The following PLEKHM3 variants were observed in gnomAD, a reference collection of about 807,000 sequenced individuals.
PLEKHM3 encodes pleckstrin homology domain containing M3.
A neutral mutation model predicts 81.8 loss-of-function variants in PLEKHM3; 45 were observed. The observed-to-expected ratio is 0.55, with a 90% CI of 0.43 to 0.71. The LOEUF is 0.71. PLEKHM3 is among the 30% of genes least tolerant of loss of function. The pLI is 0.00. For missense variants in PLEKHM3, 788 were observed against 924.3 expected (o/e 0.85, Z 1.91); for synonymous variants, 352 against 356.4 (o/e 0.99, Z 0.14).
intron 2 of PLEKHM3, among the ~76,000 whole-genome samples, chr2:207,995,192 C>T (rs6731479): frequency 0.45 from 68,994 of 151,974 alleles, 18,944 homozygotes; most frequent in Non-Finnish European, 0.6. Context: ...AAACTGTGAC[C>T]GGCTCTGTGT....
intron 7 of PLEKHM3, among the ~76,000 whole-genome samples, chr2:207,853,689 A>C (rs1158057566): frequency 2.0e-5 from 3 of 152,096 alleles, no homozygotes; most frequent in Non-Finnish European, 4.4e-5. Flanking sequence ...AGCCGAGATC[A>C]TGCCACTGCA....
At chr2:207,969,371 C>A (rs1197640769) in intron 3 of PLEKHM3, among the ~76,000 whole-genome samples, 2 of 152,238 alleles carry the variant, frequency 1.3e-5, no homozygotes, top group African/African-American at 4.8e-5. Context: ...ATACTGCTTA[C>A]TTCCAGACTG....
chr2:207,958,840 G>T (rs2105993058), intron 3 of PLEKHM3, among the ~76,000 whole-genome samples: 1 of 152,234 alleles, frequency 6.6e-6, no homozygotes, highest in Middle Eastern at 3.4e-3. Flanking sequence ...AGCCCATGAG[G>T]CAGAGGCTGC....
At chr2:208,023,625 G>A (rs542667402) in intron 1 of PLEKHM3, among the ~76,000 whole-genome samples, 1 of 152,182 alleles carries the variant, frequency 6.6e-6, no homozygotes, top group East Asian at 1.9e-4. Flanking sequence ...TAGGTTGCAC[G>A]CTCCTTATGA....
chr2:207,956,718 ATTTTTTTT>A (rs1170073686), intron 3 of PLEKHM3, among the ~76,000 whole-genome samples: 70 of 69,146 alleles, frequency 1.0e-3, no homozygotes, highest in South Asian at 6.0e-3. Flanking sequence ...GCTGATTAAA[ATTTTTTTT>A]TTTTTTTTTT....
At chr2:207,834,415 C>T (rs1163118202) in intron 7 of PLEKHM3, among the ~76,000 whole-genome samples, 3 of 147,378 alleles carry the variant, frequency 2.0e-5, no homozygotes, top group African/African-American at 7.6e-5. Context: ...CAGGAGTGAG[C>T]CACCGCGCCC....
intron 3 of PLEKHM3, among the ~76,000 whole-genome samples, chr2:207,968,694 A>G (rs1413557995): frequency 6.6e-6 from 1 of 152,200 alleles, no homozygotes; most frequent in Non-Finnish European, 1.5e-5. Flanking sequence ...AACTTCACCT[A>G]AGGACTCTAC....
intron 6 of PLEKHM3, 35 bp downstream of exon 6, chr2:207,908,479 G>A: frequency 6.3e-7 from 1 of 1,579,628 alleles, no homozygotes; most frequent in South Asian, 1.1e-5. Flanking sequence ...CTCCAGGAAA[G>A]CAACAAAAAT....
At chr2:207,892,163 C>T (rs925025323) in intron 6 of PLEKHM3, among the ~76,000 whole-genome samples, 2 of 152,148 alleles carry the variant, frequency 1.3e-5, no homozygotes, top group African/African-American at 4.8e-5. Flanking sequence ...TTTCTTCAAA[C>T]TCACTGCATC....
At chr2:207,921,283 G>A (rs761256732) in intron 5 of PLEKHM3, among the ~76,000 whole-genome samples, 3 of 152,102 alleles carry the variant, frequency 2.0e-5, no homozygotes, top group African/African-American at 4.8e-5. Flanking sequence ...TCTTGACCTC[G>A]CAATCTGCCT....
At chr2:207,993,929 A>G (rs1439053792) in intron 2 of PLEKHM3, among the ~76,000 whole-genome samples, 1 of 152,224 alleles carries the variant, frequency 6.6e-6, no homozygotes, top group Non-Finnish European at 1.5e-5. Flanking sequence ...AATTTCAACC[A>G]TACCTACGTT....
intron 7 of PLEKHM3, among the ~76,000 whole-genome samples, chr2:207,839,289 G>A (rs1214719207): frequency 6.6e-6 from 1 of 151,944 alleles, no homozygotes; most frequent in Non-Finnish European, 1.5e-5. Context: ...TGAATCTAAT[G>A]TACATTAGAA....
intron 6 of PLEKHM3, chr2:207,869,968 T>G (rs2092523971): frequency 6.6e-6 from 1 of 152,212 alleles, no homozygotes; most frequent in Non-Finnish European, 1.5e-5. Flanking sequence ...TTTATTTGAT[T>G]TACTTTCTTG....
chr2:207,977,165 A>C lies in PLEKHM3; in HGVS notation c.1032T>G (p.Ser344Arg). Residue 344 changes from serine (S) to arginine (R), a missense_variant, in exon 3 of 8, where the codon AGT becomes AGG. By Grantham distance (110) the Ser-to-Arg change is moderately radical. Coordinates refer to ENST00000427836, the MANE Select transcript of PLEKHM3 (RefSeq NM_001080475.3). ...GGACAGGGGACGGTGGCAGCAGCCC[A>C]CTGGTTTTCTTCTGGAAACTATGAT... ...TQNHSFQKKT[S>R]GLLPPSPVLD... is the part of the protein sequence containing the mutation. 6.2e-7 allele frequency: 1 copy of C among 1,614,176 alleles called. No individual in the cohort carries two copies. The highest frequency in any genetic ancestry group is 8.5e-7 in the Non-Finnish European group (1 of 1,180,032).
intron 6 of PLEKHM3, among the ~76,000 whole-genome samples, chr2:207,866,518 G>C (rs900002679): frequency 5.9e-5 from 9 of 152,140 alleles, no homozygotes; most frequent in African/African-American, 2.2e-4. Context: ...ATTATATTGA[G>C]TTACTATGTC....
At chr2:207,845,974 T>C (rs563810263) in intron 7 of PLEKHM3, among the ~76,000 whole-genome samples, 1 of 152,254 alleles carries the variant, frequency 6.6e-6, no homozygotes, top group South Asian at 2.1e-4. Flanking sequence ...AAATACAAAA[T>C]GCTGAGCAAT....
Position 207,827,226 on chromosome 2 carries a change from A to C in PLEKHM3, c.*1093T>G, listed in dbSNP as rs2092256157. Reference sequence around the variant, plus strand: ...TGATTTTTTAAACAAAAAAATGAGAAAGCAAGAATGGTCACATTGACAAAG... The same window carrying C: ...TGATTTTTTAAACAAAAAAATGAGACAGCAAGAATGGTCACATTGACAAAG... On this transcript the variant is annotated 3_prime_UTR_variant, in exon 8 of 8. Transcript: ENST00000427836. The C allele has an allele frequency of 6.6e-6, 1 of 152,218 alleles. No individual in the cohort carries two copies. Among genetic ancestry groups the C allele is most frequent in the African/African-American group, 2.4e-5 (1 of 41,468 alleles). The allele number at this position is 152,218 out of a possible 1,614,324, so 9.4% of individuals were successfully genotyped here.
At chr2:207,880,762 C>CAAAGAAAAAAAAAAAAAAAAAA (rs2092585453) in intron 6 of PLEKHM3, among the ~76,000 whole-genome samples, 1 of 6,976 alleles carries the variant, frequency 1.4e-4, no homozygotes, top group Non-Finnish European at 3.7e-4. Context: ...GACTCTGTCT[C>CAAAGAAAAAAAAAAAAAAAAAA]AAAAAAAAAA....
In PLEKHM3 at chr2:207,977,255, G is replaced by C; in HGVS notation, c.942C>G (p.Tyr314Ter). 6 of 1,614,156 alleles carry C rather than the reference G, an allele frequency of 3.7e-6. No homozygotes were observed. Among genetic ancestry groups the C allele is most frequent in the Non-Finnish European group, 5.1e-6 (6 of 1,180,018 alleles). ...WEVVHAAVPGYMGRQNELTIS... is the reference protein window; with the variant it reads ...WEVVHAAVPG ...TTGTCAGCTCATTCTGCCGCCCCAT[G>C]TAACCGGGCACAGCAGCATGCACTA... Residue 314 changes from tyrosine to a stop codon, truncating the protein, a stop_gained, in exon 3 of 8, where the codon TAC (tyrosine) becomes TAG (stop). Transcript: ENST00000427836. LOFTEE classifies it high-confidence loss of function.
Sources: allele counts gnomAD v4.1 joint callset (sites outside exome capture counted in the v4.1 genomes callset), GRCh38; gene constraint gnomAD v4.1.1; transcripts MANE v1.5; gene names NCBI Gene and HGNC (gene_info 2026-07-23, HGNC 2026-07-21).